RABGEF1: variants seen among roughly 807,000 people sequenced by gnomAD.
RABGEF1 encodes rab5 GDP/GTP exchange factor.
Under a neutral mutation model 57.3 loss-of-function variants are expected in RABGEF1, and 26 were observed. The ratio of observed to expected loss-of-function variants is 0.45; its 90% CI spans 0.33 to 0.63. RABGEF1 has a LOEUF of 0.63. Among genes scored for constraint, RABGEF1 ranks in the 20% least tolerant of loss-of-function variants. The pLI, the probability that RABGEF1 is intolerant of heterozygous loss-of-function variation, is 0.02. For missense variants in RABGEF1, 464 were observed against 607.6 expected, an observed-to-expected ratio of 0.76 and a Z score of 2.48; for synonymous variants, 185 against 210.7, an observed-to-expected ratio of 0.88 and a Z score of 1.06.
In RABGEF1 at chr7:66,810,404, AT is replaced by A. The variant is rs1388300032; in HGVS notation, c.*1122del. 6.6e-6 allele frequency: 1 copy of A among 152,070 alleles called. No homozygotes were observed. The highest frequency in any genetic ancestry group is 1.5e-5 in the Non-Finnish European group (1 of 68,026). The allele number at this position is 152,070 out of a possible 1,614,324, so 9.4% of individuals were successfully genotyped here. ...AGCACCCCCGCTAGAGCTGTGAAAA[AT>A]TCTCTCCAGACATAGTCAGATGTCT... On this transcript the variant is annotated 3_prime_UTR_variant, in exon 9 of 9. Transcript: ENST00000284957.
intron 4 of RABGEF1, among the ~76,000 whole-genome samples, chr7:66,785,195 C>T (rs1810872857): frequency 5.3e-5 from 8 of 152,106 alleles, no homozygotes; most frequent in Admixed American, 5.2e-4. Flanking sequence ...TTAACTGGTA[C>T]AAATATCACA....
At chr7:66,689,562 G>C (rs1227916564) in intron 1 of RABGEF1, among the ~76,000 whole-genome samples, 1 of 152,136 alleles carries the variant, frequency 6.6e-6, no homozygotes, top group African/African-American at 2.4e-5. Context: ...CAGCACTTTG[G>C]GAGGCCGAGG....
At chr7:66,713,719 T>G (rs567374601) in intron 2 of RABGEF1, among the ~76,000 whole-genome samples, 4 of 152,238 alleles carry the variant, frequency 2.6e-5, no homozygotes, top group Non-Finnish European at 4.4e-5. Flanking sequence ...AGTTTTTATT[T>G]AGCATGGATG....
chr7:66,669,450 A>T, the RABGEF1 span, among the ~76,000 whole-genome samples: 1 of 152,140 alleles, frequency 6.6e-6, no homozygotes, highest in Non-Finnish European at 1.5e-5. Flanking sequence ...AGCTTTGTTA[A>T]GGTTGCTGTG....
chr7:66,754,150 C>A (rs1301849225), intron 1 of RABGEF1, among the ~76,000 whole-genome samples: 1 of 150,268 alleles, frequency 6.7e-6, no homozygotes, highest in Non-Finnish European at 1.5e-5. Context: ...TACAGGCGCC[C>A]TCCAACACGC....
At chr7:66,759,413 A>G (rs1803651604) in intron 1 of RABGEF1, among the ~76,000 whole-genome samples, 1 of 152,202 alleles carries the variant, frequency 6.6e-6, no homozygotes, top group Non-Finnish European at 1.5e-5. Flanking sequence ...ACATGTGTGA[A>G]GTGTTTTTTA....
At chr7:66,684,154 G>C (rs1790224035) in intron 1 of RABGEF1, among the ~76,000 whole-genome samples, 1 of 152,110 alleles carries the variant, frequency 6.6e-6, no homozygotes, top group Non-Finnish European at 1.5e-5. Context: ...TGGTTAAAAT[G>C]GGTCTCCCTG....
the RABGEF1 span, among the ~76,000 whole-genome samples, chr7:66,663,665 G>A: frequency 2.0e-5 from 3 of 151,250 alleles, no homozygotes; most frequent in Non-Finnish European, 4.4e-5. Flanking sequence ...TGGGTGCAGC[G>A]CACCAGCATG....
the RABGEF1 span, among the ~76,000 whole-genome samples, chr7:66,656,869 CAT>C: frequency 0.1 from 15,236 of 147,736 alleles, 958 homozygotes; most frequent in South Asian, 0.2. Context: ...GGAGTGGCCA[CAT>C]GTTAGGCACA....
At chr7:66,781,316 T>G (rs1388089464) in intron 3 of RABGEF1, among the ~76,000 whole-genome samples, 2 of 152,256 alleles carry the variant, frequency 1.3e-5, no homozygotes, top group African/African-American at 4.8e-5. Flanking sequence ...TATACCACTT[T>G]ACATAAAATA....
At chr7:66,658,387 G>A in the RABGEF1 span, among the ~76,000 whole-genome samples, 1 of 152,084 alleles carries the variant, frequency 6.6e-6, no homozygotes, top group Non-Finnish European at 1.5e-5. Flanking sequence ...ACAAAAATGA[G>A]CTGGGTGTGG....
intron 4 of RABGEF1, among the ~76,000 whole-genome samples, chr7:66,787,817 G>A (rs1811572868): frequency 6.6e-6 from 1 of 152,178 alleles, no homozygotes; most frequent in African/African-American, 2.4e-5. Context: ...CCAATCAAGT[G>A]TTAACCTTTC....
chr7:66,720,854 A>G (rs1225637972), intron 2 of RABGEF1, among the ~76,000 whole-genome samples: 1 of 152,232 alleles, frequency 6.6e-6, no homozygotes, highest in African/African-American at 2.4e-5. Flanking sequence ...CCAAGTGTCA[A>G]TTGAATTTCC....
chr7:66,799,732 A>G (rs1291214060), intron 7 of RABGEF1, among the ~76,000 whole-genome samples: 1 of 151,890 alleles, frequency 6.6e-6, no homozygotes, highest in African/African-American at 2.4e-5. Flanking sequence ...TGACTGTTCC[A>G]TGATAGAATA....
At chr7:66,693,635 T>A (rs1365015139) in intron 1 of RABGEF1, among the ~76,000 whole-genome samples, 6 of 152,088 alleles carry the variant, frequency 3.9e-5, no homozygotes, top group Admixed American at 3.9e-4. Flanking sequence ...CACTTACCAG[T>A]GCTCAGAAAC....
At chr7:66,799,044 T>C (rs1204613158) in intron 6 of RABGEF1, among the ~76,000 whole-genome samples, 4 of 152,232 alleles carry the variant, frequency 2.6e-5, no homozygotes, top group Non-Finnish European at 2.9e-5. Flanking sequence ...ATGGTCACTT[T>C]CAGATACTGA....
intron 1 of RABGEF1, among the ~76,000 whole-genome samples, chr7:66,741,042 A>G (rs1798813608): frequency 6.6e-6 from 1 of 151,946 alleles, no homozygotes; most frequent in Non-Finnish European, 1.5e-5. Context: ...CCCAGACGCT[A>G]GTTGCCGGGA....
intron 4 of RABGEF1, 61 bp downstream of exon 4, chr7:66,783,902 TAATATA>T: frequency 6.9e-7 from 1 of 1,447,678 alleles, no homozygotes; most frequent in Admixed American, 2.3e-5. Flanking sequence ...GTCTTAGAGA[TAATATA>T]GTGCAACCTT....
chr7:66,757,605 G>C (rs78769765), intron 1 of RABGEF1, among the ~76,000 whole-genome samples: 1 of 152,162 alleles, frequency 6.6e-6, no homozygotes, highest in Non-Finnish European at 1.5e-5. Context: ...GCCTCTGGAT[G>C]ATGACTAAAA....
Sources: allele counts gnomAD v4.1 joint callset (sites outside exome capture counted in the v4.1 genomes callset), GRCh38; gene constraint gnomAD v4.1.1; transcripts MANE v1.5; gene names NCBI Gene and HGNC (gene_info 2026-07-23, HGNC 2026-07-21).